Variants in XRCC4 observed in about 807,000 individuals in gnomAD.
The protein encoded by XRCC4 is X-ray repair cross complementing 4.
XRCC4 carries 28 observed loss-of-function variants against 39.1 expected under a neutral mutation model. The observed-to-expected ratio is 0.72, with a 90% CI of 0.53 to 0.98. The LOEUF (loss-of-function observed/expected upper bound fraction) is 0.98, where lower values mean the gene tolerates loss of function less well. Ranked by LOEUF, XRCC4 falls within the 50% of genes least tolerant of loss-of-function variation. The pLI, the probability that XRCC4 is intolerant of heterozygous loss-of-function variation, is 0.00. For missense variants in XRCC4, 350 were observed against 376.4 expected (o/e 0.93, Z 0.58); for synonymous variants, 123 against 126.4 (o/e 0.97, Z 0.18).
intron 3 of XRCC4, among the ~76,000 whole-genome samples, chr5:83,136,274 C>T (rs10067439): frequency 0.48 from 73,642 of 151,932 alleles, 18,804 homozygotes; most frequent in African/African-American, 0.63. Flanking sequence ...CCAATTCTGA[C>T]GACCCACCTA....
intron 3 of XRCC4, among the ~76,000 whole-genome samples, chr5:83,131,933 C>T (rs1412965101): frequency 6.6e-6 from 1 of 152,070 alleles, no homozygotes; most frequent in Non-Finnish European, 1.5e-5. Flanking sequence ...ATGACGTTAG[C>T]TGGTTATTTT....
intron 6 of XRCC4, among the ~76,000 whole-genome samples, chr5:83,207,899 A>C (rs995302147): frequency 6.6e-6 from 1 of 152,032 alleles, no homozygotes; most frequent in Non-Finnish European, 1.5e-5. Context: ...TTGCTCTTTG[A>C]ATACAAATAA....
intron 6 of XRCC4, among the ~76,000 whole-genome samples, chr5:83,242,350 G>A (rs1056004483): frequency 5.9e-5 from 9 of 152,160 alleles, no homozygotes; most frequent in African/African-American, 2.2e-4. Context: ...TAAATATGAA[G>A]TTCTGAGATT....
At position 83,255,369 on chromosome 5, in the gene XRCC4, CA is replaced by C. The variant is rs374715257; in HGVS notation, c.746-3155del. Among the ~76,000 whole-genome samples the C allele has an allele frequency of 4.6e-3, 694 of 152,018 alleles. 2 individuals carry two copies. Among genetic ancestry groups the C allele is most frequent in the African/African-American group, 0.016 (663 of 41,492 alleles). ...TGTTTCCCATGGTGCAAACACAAACCAAAAAAGATGTATTCCATTTAAACTG... is the reference window on the plus strand; with the variant it reads ...TGTTTCCCATGGTGCAAACACAAACCAAAAAGATGTATTCCATTTAAACTG... On this transcript the variant is annotated intron_variant, in intron 6 of 7. Coordinates refer to ENST00000396027, the MANE Select transcript of XRCC4 (RefSeq NM_003401.5).
chr5:83,091,795 G>C (rs1345607477), intron 1 of XRCC4, among the ~76,000 whole-genome samples: 1 of 152,098 alleles, frequency 6.6e-6, no homozygotes, highest in Non-Finnish European at 1.5e-5. Context: ...TCCATTATTT[G>C]GCTATTGTCT....
intron 7 of XRCC4, among the ~76,000 whole-genome samples, chr5:83,313,814 A>G (rs916252017): frequency 2.6e-5 from 4 of 152,096 alleles, no homozygotes; most frequent in African/African-American, 9.7e-5. Context: ...TCCCACTCCT[A>G]ATATAATTCC....
chr5:83,255,435 A>G (rs1481121453), intron 6 of XRCC4, among the ~76,000 whole-genome samples: 5 of 152,184 alleles, frequency 3.3e-5, no homozygotes, highest in Non-Finnish European at 2.9e-5. Context: ...CTTCATGCCA[A>G]TTTTATAGAA....
At chr5:83,212,712 G>A (rs535742206) in intron 6 of XRCC4, among the ~76,000 whole-genome samples, 2 of 152,000 alleles carry the variant, frequency 1.3e-5, no homozygotes, top group East Asian at 1.9e-4. Flanking sequence ...CAGAACACCC[G>A]AGGTCAGGAG....
rs530740371 is a variant in XRCC4 at position 83,216,130 on chromosome 5, A to C, written c.745+11209A>C. Reference sequence around the variant, plus strand: ...ACAACTCAATAATAAGAAAATAAACAACTGGGTCAAAAAATTTGCAAAAGA... The same window carrying C: ...ACAACTCAATAATAAGAAAATAAACCACTGGGTCAAAAAATTTGCAAAAGA... On this transcript the variant is annotated intron_variant, in intron 6 of 7. Coordinates refer to ENST00000396027, the MANE Select transcript of XRCC4 (RefSeq NM_003401.5). Among the ~76,000 whole-genome samples, 39 of 152,260 alleles carry C rather than the reference A, an allele frequency of 2.6e-4. No homozygotes were observed. In the South Asian group the frequency reaches 8.1e-3, roughly 32 times the overall value.
intron 7 of XRCC4, among the ~76,000 whole-genome samples, chr5:83,324,184 T>G (rs1756170953): frequency 6.6e-6 from 1 of 152,138 alleles, no homozygotes; most frequent in South Asian, 2.1e-4. Flanking sequence ...CTGTTCCTAT[T>G]AAGCCGCAGA....
chr5:83,221,711 C>T (rs979778859), intron 6 of XRCC4, among the ~76,000 whole-genome samples: 1 of 151,642 alleles, frequency 6.6e-6, no homozygotes, highest in African/African-American at 2.4e-5. Flanking sequence ...ATGCTCAGTC[C>T]TAGATTAAAG....
intron 6 of XRCC4, among the ~76,000 whole-genome samples, chr5:83,251,610 T>G (rs1321311127): frequency 6.6e-6 from 1 of 152,178 alleles, no homozygotes; most frequent in Non-Finnish European, 1.5e-5. Context: ...AACTTACTCT[T>G]TTTTATGCTG....
intron 3 of XRCC4, among the ~76,000 whole-genome samples, chr5:83,129,408 A>G (rs77446729): frequency 0.49 from 73,455 of 150,592 alleles, 18,818 homozygotes; most frequent in African/African-American, 0.63. Context: ...GTCAGGTAGC[A>G]TGATGCCTCC....
chr5:83,288,975 A>G (rs1361483886), intron 7 of XRCC4, among the ~76,000 whole-genome samples: 1 of 150,934 alleles, frequency 6.6e-6, no homozygotes, highest in African/African-American at 2.4e-5. Context: ...TCATTCTTTT[A>G]TCTCTTTCAG....
At chr5:83,246,596 A>G (rs6889850) in intron 6 of XRCC4, among the ~76,000 whole-genome samples, 9,699 of 152,218 alleles carry the variant, frequency 0.064, 415 homozygotes, top group South Asian at 0.16. Flanking sequence ...ACCAAGCAAC[A>G]TGATGAATCA....
rs182528806 is a variant in XRCC4, at chr5:83,208,839, T to C, written c.745+3918T>C. On this transcript the variant is annotated intron_variant, in intron 6 of 7. Coordinates refer to ENST00000396027, the MANE Select transcript of XRCC4 (RefSeq NM_003401.5). ...GATTTTAGAATTTCCAGATAGATAG[T>C]GATTGTATTACTGACTTTATTTCTT... 8.6e-4 allele frequency among the ~76,000 whole-genome samples: 131 copies of C among 152,232 alleles called. No homozygotes were observed. In the Middle Eastern group the frequency reaches 0.01, roughly 12 times the overall value.
At chr5:83,343,798 T>C (rs1027152801) in intron 7 of XRCC4, among the ~76,000 whole-genome samples, 1 of 152,188 alleles carries the variant, frequency 6.6e-6, no homozygotes, top group Non-Finnish European at 1.5e-5. Context: ...CTTATAGCAA[T>C]GACTGCTGTC....
chr5:83,365,271 A>G, the XRCC4 span, among the ~76,000 whole-genome samples: 1 of 152,298 alleles, frequency 6.6e-6, no homozygotes, highest in African/African-American at 2.4e-5. Context: ...TCTCTGGGTA[A>G]CTTCTGGAGG....
At chr5:83,336,355 C>T (rs977266140) in intron 7 of XRCC4, among the ~76,000 whole-genome samples, 6 of 152,030 alleles carry the variant, frequency 3.9e-5, no homozygotes, top group African/African-American at 1.4e-4. Context: ...TTTCCTAATT[C>T]CAGACAACTT....
Sources: allele counts gnomAD v4.1 joint callset (sites outside exome capture counted in the v4.1 genomes callset), GRCh38; gene constraint gnomAD v4.1.1; transcripts MANE v1.5; gene names NCBI Gene and HGNC (gene_info 2026-07-23, HGNC 2026-07-21).